The following PTPRM variants were observed in gnomAD, a reference collection of about 807,000 sequenced individuals.
PTPRM encodes protein tyrosine phosphatase receptor type M.
A neutral mutation model predicts 186.7 loss-of-function variants in PTPRM; 47 were observed. The ratio of observed to expected loss-of-function variants is 0.25; its 90% CI spans 0.20 to 0.32. The LOEUF is 0.32. PTPRM is among the 10% of genes least tolerant of loss of function. The probability of loss-of-function intolerance (pLI) is 1.00; values close to 1 mark genes in which losing one functional copy is unlikely to be tolerated. For synonymous variants in PTPRM, 668 were observed against 674.9 expected (o/e 0.99, Z 0.16); for missense variants, 1,494 against 1,865.0 (o/e 0.80, Z 3.66).
At chr18:8,077,082 G>A (rs1345316221) in intron 9 of PTPRM, among the ~76,000 whole-genome samples, 1 of 152,138 alleles carries the variant, frequency 6.6e-6, no homozygotes, top group Non-Finnish European at 1.5e-5. Context: ...ATATCAAATG[G>A]TTGAATGATA....
chr18:7,905,285 G>A (rs1329522072), intron 3 of PTPRM, among the ~76,000 whole-genome samples: 1 of 152,090 alleles, frequency 6.6e-6, no homozygotes, highest in South Asian at 2.1e-4. Context: ...GAGCCACCGC[G>A]CCCAGCCCTG....
At chr18:7,855,099 C>T (rs993180496) in intron 2 of PTPRM, among the ~76,000 whole-genome samples, 4 of 152,096 alleles carry the variant, frequency 2.6e-5, no homozygotes, top group African/African-American at 9.7e-5. Flanking sequence ...TTGAGTGACT[C>T]ATGCTATAAT....
chr18:8,151,836 A>G (rs1411852672), intron 14 of PTPRM, among the ~76,000 whole-genome samples: 1 of 152,074 alleles, frequency 6.6e-6, no homozygotes, highest in Admixed American at 6.5e-5. Context: ...GACCATGGGA[A>G]AAGCGCAGTA....
At chr18:7,854,431 G>T (rs1328128659) in intron 2 of PTPRM, among the ~76,000 whole-genome samples, 2 of 152,072 alleles carry the variant, frequency 1.3e-5, no homozygotes, top group Admixed American at 1.3e-4. Context: ...AATCTTGACA[G>T]GGATTGTCAG....
intron 6 of PTPRM, among the ~76,000 whole-genome samples, chr18:7,950,543 C>T (rs1433922569): frequency 1.3e-5 from 2 of 152,170 alleles, no homozygotes; most frequent in African/African-American, 4.8e-5. Flanking sequence ...GTGGCTTGCC[C>T]TGTATGTGCT....
intron 7 of PTPRM, among the ~76,000 whole-genome samples, chr18:8,032,897 G>A (rs1052231867): frequency 1.3e-5 from 2 of 152,042 alleles, no homozygotes; most frequent in Admixed American, 6.6e-5. Context: ...ACCCCATAGA[G>A]ATTAAGGTTT....
At chr18:7,649,051 G>A (rs1169983854) in intron 1 of PTPRM, among the ~76,000 whole-genome samples, 3 of 152,174 alleles carry the variant, frequency 2.0e-5, no homozygotes, top group African/African-American at 7.2e-5. Context: ...TGAAGCCAAT[G>A]CTTATTGACC....
At chr18:7,800,753 A>G (rs779059248) in intron 2 of PTPRM, among the ~76,000 whole-genome samples, 1 of 152,220 alleles carries the variant, frequency 6.6e-6, no homozygotes, top group Non-Finnish European at 1.5e-5. Context: ...AAGTGTACTT[A>G]CACAAACCTA....
intron 14 of PTPRM, among the ~76,000 whole-genome samples, chr18:8,204,820 AT>A (rs2093905877): frequency 6.6e-6 from 1 of 152,024 alleles, no homozygotes; most frequent in African/African-American, 2.4e-5. Context: ...CACAAAACCA[AT>A]TTTTTTGAGG....
intron 11 of PTPRM, among the ~76,000 whole-genome samples, chr18:8,097,690 G>A (rs1206038785): frequency 6.6e-6 from 1 of 152,156 alleles, no homozygotes; most frequent in African/African-American, 2.4e-5. Flanking sequence ...GTGTCTTACT[G>A]AGAATGTGTT....
At chr18:8,307,990 A>C (rs761974476) in intron 20 of PTPRM, among the ~76,000 whole-genome samples, 4 of 152,128 alleles carry the variant, frequency 2.6e-5, no homozygotes, top group Non-Finnish European at 5.9e-5. Flanking sequence ...GTGGAACATG[A>C]GCTATTATTA....
At chr18:7,747,793 C>T (rs1243905853) in intron 1 of PTPRM, 2 of 152,132 alleles carry the variant, frequency 1.3e-5, no homozygotes, top group Non-Finnish European at 2.9e-5. Flanking sequence ...TTAAATAAGA[C>T]CTGATTCTGA....
chr18:7,819,402 C>T (rs1348983976), intron 2 of PTPRM, among the ~76,000 whole-genome samples: 1 of 152,230 alleles, frequency 6.6e-6, no homozygotes, highest in African/African-American at 2.4e-5. Context: ...AGCACACTGG[C>T]AGAAGAGCAC....
intron 1 of PTPRM, among the ~76,000 whole-genome samples, chr18:7,733,467 T>G (rs922746551): frequency 1.3e-5 from 2 of 152,196 alleles, no homozygotes; most frequent in Non-Finnish European, 2.9e-5. Context: ...TGCCACATTT[T>G]CTTTATTCAG....
chr18:7,837,462 A>AT (rs139653116), intron 2 of PTPRM, among the ~76,000 whole-genome samples: 3,799 of 149,582 alleles, frequency 0.025, 167 homozygotes, highest in African/African-American at 0.087. Context: ...CTCAAAACAC[A>AT]TTTTTTTTTT....
At chr18:7,661,805 G>C (rs906577721) in intron 1 of PTPRM, among the ~76,000 whole-genome samples, 1 of 152,178 alleles carries the variant, frequency 6.6e-6, no homozygotes, top group South Asian at 2.1e-4. Flanking sequence ...GCATCTGATG[G>C]TGAGGAGCAA....
At chr18:7,869,747 A>G (rs1239352258) in intron 2 of PTPRM, among the ~76,000 whole-genome samples, 1 of 152,164 alleles carries the variant, frequency 6.6e-6, no homozygotes, top group Non-Finnish European at 1.5e-5. Flanking sequence ...TATTTAACTG[A>G]TGGCTTTTTG....
intron 1 of PTPRM, among the ~76,000 whole-genome samples, chr18:7,682,835 A>G (rs894397795): frequency 2.0e-5 from 3 of 151,928 alleles, no homozygotes; most frequent in African/African-American, 7.3e-5. Flanking sequence ...TGTCTTGGGC[A>G]TTGGGGGGGT....
In PTPRM at chr18:8,143,785, C is replaced by G; in HGVS notation, c.2300+6C>G. 6.2e-7 allele frequency: 1 copy of G among 1,613,948 alleles called. No homozygotes were observed. ...GTGTTGGTAATGAAGAAAAGGTGAGCTCCTAGCTGTTGCCAAAGATACAGT... is the reference window on the plus strand; with the variant it reads ...GTGTTGGTAATGAAGAAAAGGTGAGGTCCTAGCTGTTGCCAAAGATACAGT... On this transcript the variant is annotated splice_donor_region_variant and intron_variant, in intron 14 of 32. Transcript: ENST00000580170.
Sources: allele counts gnomAD v4.1 joint callset (sites outside exome capture counted in the v4.1 genomes callset), GRCh38; gene constraint gnomAD v4.1.1; transcripts MANE v1.5; gene names NCBI Gene and HGNC (gene_info 2026-07-23, HGNC 2026-07-21).